INPP5A: variants seen among roughly 807,000 people sequenced by gnomAD.
INPP5A encodes the protein 43 kDa inositol polyphosphate 5-phophatase.
A neutral mutation model predicts 65.2 loss-of-function variants in INPP5A; 14 were observed. The observed-to-expected ratio is 0.21, with a 90% CI of 0.14 to 0.34. The LOEUF (loss-of-function observed/expected upper bound fraction) is 0.34, where lower values mean the gene tolerates loss of function less well. Among genes scored for constraint, INPP5A ranks in the 10% least tolerant of loss-of-function variants. INPP5A has a pLI of 1.00. For synonymous variants in INPP5A, 207 were observed against 208.3 expected, an observed-to-expected ratio of 0.99 and a Z score of 0.05; for missense variants, 431 against 545.6, an observed-to-expected ratio of 0.79 and a Z score of 2.09.
chr10:132,596,979 G>T (rs1416921751), intron 1 of INPP5A, among the ~76,000 whole-genome samples: 1 of 151,122 alleles, frequency 6.6e-6, no homozygotes, highest in Admixed American at 6.6e-5. Flanking sequence ...GTGCATGCGT[G>T]TGTGCATGCA....
chr10:132,722,955 T>C (rs901430072), intron 8 of INPP5A, among the ~76,000 whole-genome samples: 1 of 152,188 alleles, frequency 6.6e-6, no homozygotes, highest in Admixed American at 6.5e-5. Context: ...GAAAGTGAGC[T>C]CTGGGAGGGC....
At chr10:132,679,289 C>G (rs752941587) in intron 4 of INPP5A, among the ~76,000 whole-genome samples, 2 of 152,122 alleles carry the variant, frequency 1.3e-5, no homozygotes, top group African/African-American at 4.8e-5. Flanking sequence ...TGGAGAGATC[C>G]GTGGTTTCCA....
At chr10:132,628,096 G>A (rs948961987) in intron 2 of INPP5A, among the ~76,000 whole-genome samples, 7 of 152,168 alleles carry the variant, frequency 4.6e-5, no homozygotes, top group African/African-American at 9.7e-5. Flanking sequence ...GAAATTAACC[G>A]CAAACCAGAT....
At chr10:132,543,362 T>C (rs933501843) in intron 1 of INPP5A, among the ~76,000 whole-genome samples, 2 of 152,136 alleles carry the variant, frequency 1.3e-5, no homozygotes, top group Non-Finnish European at 2.9e-5. Context: ...ACTGAGCGTA[T>C]GTAAAAGTGT....
chr10:132,757,886 C>T (rs7912653), intron 11 of INPP5A, among the ~76,000 whole-genome samples: 4,672 of 148,314 alleles, frequency 0.032, 226 homozygotes, highest in African/African-American at 0.11. Flanking sequence ...GGTGTGGGTC[C>T]CCGGCTGACC....
intron 2 of INPP5A, among the ~76,000 whole-genome samples, chr10:132,615,302 C>T (rs191460283): frequency 7.7e-4 from 117 of 152,346 alleles, no homozygotes; most frequent in Admixed American, 1.3e-3. Flanking sequence ...GTGTGGCGTC[C>T]GGAACCAGCT....
intron 4 of INPP5A, among the ~76,000 whole-genome samples, chr10:132,684,375 A>G (rs1052369392): frequency 5.3e-5 from 8 of 152,230 alleles, no homozygotes; most frequent in African/African-American, 1.9e-4. Context: ...ATACAGACAT[A>G]TGTATGTCTA....
At chr10:132,711,000 G>T (rs1348774868) in intron 8 of INPP5A, among the ~76,000 whole-genome samples, 1 of 152,192 alleles carries the variant, frequency 6.6e-6, no homozygotes, top group East Asian at 1.9e-4. Context: ...CCCCATGGAG[G>T]TGGCAGAGCC....
intron 1 of INPP5A, among the ~76,000 whole-genome samples, chr10:132,605,376 G>A (rs1234739037): frequency 7.1e-6 from 1 of 140,774 alleles, no homozygotes; most frequent in Non-Finnish European, 1.6e-5. Context: ...GGAAGCGGCT[G>A]GGGGATGGGG....
At chr10:132,708,152 G>A (rs546762032) in intron 6 of INPP5A, among the ~76,000 whole-genome samples, 161 bp from the exon 7 acceptor site, 73 of 152,208 alleles carry the variant, frequency 4.8e-4, no homozygotes, top group Non-Finnish European at 9.6e-4. Context: ...TTGAGGATAG[G>A]TGCACAGCTC....
At position 132,644,960 on chromosome 10, in the gene INPP5A, C is replaced by T. The variant is rs1012631245; in HGVS notation, c.118-908C>T. 4.6e-5 allele frequency among the ~76,000 whole-genome samples: 7 copies of T among 151,984 alleles called. No individual in the cohort carries two copies. The East Asian group carries it at 5.8e-4, about 13-fold the overall frequency. ...GGCTGGACTGACAGTGGGAGATAGA[C>T]GGGGACCTGGAAGGAGGGGAGGCCA... On this transcript the variant is annotated intron_variant, in intron 2 of 15. Transcript: ENST00000368594. This position sits in a 1 kb window ranked among gnomAD's most constrained non-coding sequence, Gnocchi z 6.5.
intron 1 of INPP5A, among the ~76,000 whole-genome samples, chr10:132,544,214 C>G (rs76792230): frequency 0.029 from 4,398 of 152,358 alleles, 83 homozygotes; most frequent in African/African-American, 0.052. Context: ...CCACTCCCAG[C>G]GAGAAGCGCA....
rs2071038987 is a variant in INPP5A at position 132,550,754 on chromosome 10, G to C, written c.75+12583G>C. On this transcript the variant is annotated intron_variant, in intron 1 of 15. Coordinates refer to ENST00000368594, the MANE Select transcript of INPP5A (RefSeq NM_005539.5). This position sits in a 1 kb window ranked among gnomAD's most constrained non-coding sequence, Gnocchi z 4.2. Reference sequence around the variant, plus strand: ...TGACCTCATGGAAGACGGTGGAGGTGGCAGCCGCCAGAGTGTGAGGGGCCA... The same window carrying C: ...TGACCTCATGGAAGACGGTGGAGGTCGCAGCCGCCAGAGTGTGAGGGGCCA... Among the ~76,000 whole-genome samples the C allele has an allele frequency of 6.6e-6, 1 of 152,220 alleles. No homozygotes were observed. The highest frequency in any genetic ancestry group is 2.4e-5 in the African/African-American group (1 of 41,450).
rs556494655 is a variant in INPP5A at position 132,637,338 on chromosome 10, C to T, written c.118-8530C>T. Among the ~76,000 whole-genome samples, 12 of 151,960 alleles carry T rather than the reference C, an allele frequency of 7.9e-5. No individual in the cohort carries two copies. The South Asian group carries it at 1.7e-3, about 21-fold the overall frequency. On this transcript the variant is annotated intron_variant, in intron 2 of 15. Coordinates refer to ENST00000368594, the MANE Select transcript of INPP5A (RefSeq NM_005539.5). This position sits in a 1 kb window ranked among gnomAD's most constrained non-coding sequence, Gnocchi z 4.1. ...CAGTGAGCCTTTCAGTGTATAAGTG[C>T]GGGTCTTTTTCTGTTTTGAAGTTTT...
intron 14 of INPP5A, 141 bp from the exon 15 acceptor site, chr10:132,781,720 C>T (rs1847164833): frequency 6.9e-6 from 5 of 719,784 alleles, no homozygotes; most frequent in Non-Finnish European, 1.2e-5. Flanking sequence ...CGAGCTGCCT[C>T]TGCTGGCCAT....
In INPP5A at chr10:132,547,709, C is replaced by T. The variant is rs937648532; in HGVS notation, c.75+9538C>T. ...TTCAAAGGGTTCCTCCGGGACGCCT[C>T]GCCTAGGCAAGCAGGGTTTTCCTCC... On this transcript the variant is annotated intron_variant, in intron 1 of 15. Transcript: ENST00000368594. This position sits in a 1 kb window ranked among gnomAD's most constrained non-coding sequence, Gnocchi z 5.5. 6.6e-6 allele frequency among the ~76,000 whole-genome samples: 1 copy of T among 152,098 alleles called. No homozygotes were observed. The highest frequency in any genetic ancestry group is 2.4e-5 in the African/African-American group (1 of 41,426).
chr10:132,577,117 CCAGGAGTGGAGGGGG>C (rs2133293494), intron 1 of INPP5A, among the ~76,000 whole-genome samples: 1 of 152,268 alleles, frequency 6.6e-6, no homozygotes, highest in Non-Finnish European at 1.5e-5. Context: ...AATGAAGGGG[CCAGGAGTGGAGGGGG>C]CAGAGGGACC....
At chr10:132,567,186 A>G (rs2071283597) in intron 1 of INPP5A, among the ~76,000 whole-genome samples, 1 of 152,242 alleles carries the variant, frequency 6.6e-6, no homozygotes, top group South Asian at 2.1e-4. Flanking sequence ...TGTGCAGGTG[A>G]CACCGTCCTT....
In INPP5A at chr10:132,705,661, T is replaced by A. The variant is rs1845527065; in HGVS notation, c.475-2652T>A. 6.6e-6 allele frequency among the ~76,000 whole-genome samples: 1 copy of A among 152,224 alleles called. No homozygotes were observed. Among genetic ancestry groups the A allele is most frequent in the Admixed American group, 6.5e-5 (1 of 15,282 alleles). ...AAAGCCTATTACTTCTTTAAAAGTC[T>A]GCTTACCTGGGGCCCGGGACTTTAC... On this transcript the variant is annotated intron_variant, in intron 6 of 15. Transcript: ENST00000368594. This position sits in a 1 kb window ranked among gnomAD's most constrained non-coding sequence, Gnocchi z 4.9.
Sources: gnomAD v4.1 joint callset for allele counts (sites outside exome capture counted in the v4.1 genomes callset) on GRCh38, gnomAD v4.1.1 for gene constraint, Gnocchi (gnomAD v3.1) non-coding constraint, MANE v1.5 for transcripts, NCBI Gene and HGNC (gene_info 2026-07-23, HGNC 2026-07-21) for gene names.